Variants in CFAP221 observed in about 807,000 individuals in gnomAD.
The protein encoded by CFAP221 is cilia- and flagella-associated protein 221.
In CFAP221, 97 loss-of-function variants were observed where a neutral mutation model predicts 113.1. That is an observed-to-expected ratio of 0.86 (90% CI 0.73 to 1.02). CFAP221 has a LOEUF of 1.02. Among genes scored for constraint, CFAP221 ranks in the 50% least tolerant of loss-of-function variants. The pLI is 0.00. For missense variants in CFAP221, 1,025 were observed against 1,013.4 expected, an observed-to-expected ratio of 1.01 and a Z score of -0.16; for synonymous variants, 331 against 354.4, an observed-to-expected ratio of 0.93 and a Z score of 0.74.
intron 14 of CFAP221, among the ~76,000 whole-genome samples, chr2:119,624,842 G>A (rs1037833732): frequency 3.9e-5 from 6 of 152,238 alleles, no homozygotes; most frequent in African/African-American, 9.6e-5. Flanking sequence ...GACACAGGGA[G>A]GGGAACATCA....
chr2:119,605,022 G>A, intron 10 of CFAP221, 35 bp downstream of exon 10: 1 of 1,589,030 alleles, frequency 6.3e-7, no homozygotes, highest in Non-Finnish European at 8.6e-7. Context: ...CAGCCCCTGA[G>A]CAGAATATGA....
chr2:119,578,543 C>A (rs1682613160), intron 6 of CFAP221, among the ~76,000 whole-genome samples: 1 of 152,198 alleles, frequency 6.6e-6, no homozygotes, highest in African/African-American at 2.4e-5. Context: ...ATCACTGGGC[C>A]TATTAACTCC....
chr2:119,638,497 G>C, intron 20 of CFAP221, 80 bp downstream of exon 20: 1 of 1,540,874 alleles, frequency 6.5e-7, no homozygotes, highest in Non-Finnish European at 8.9e-7. Flanking sequence ...GGTCACAGCT[G>C]GAATTGCGAC....
At chr2:119,619,692 A>T (rs1453356217) in intron 14 of CFAP221, among the ~76,000 whole-genome samples, 2 of 152,352 alleles carry the variant, frequency 1.3e-5, no homozygotes, top group African/African-American at 4.8e-5. Context: ...CCTCCAAAGG[A>T]TCACAATTCC....
At position 119,611,966 on chromosome 2, in the gene CFAP221, C is replaced by T. The variant is rs72834853; in HGVS notation, c.1311+224C>T. Among the ~76,000 whole-genome samples the T allele has an allele frequency of 5.6e-3, 857 of 152,334 alleles. 11 individuals are homozygous for T. Among genetic ancestry groups the T allele is most frequent in the Admixed American group, 9.5e-3 (145 of 15,306 alleles). ...ACAGCACTACATACTTTGGCCACTC[C>T]TTTTCATCCCACTACTTTCTCATTT... On this transcript the variant is annotated intron_variant, in intron 13 of 23. Coordinates refer to ENST00000413369, the MANE Select transcript of CFAP221 (RefSeq NM_001271049.2).
At position 119,604,892 on chromosome 2, in the gene CFAP221, A is replaced by G. The variant is rs1684625752; in HGVS notation, c.929A>G (p.Asn310Ser). Residue 310 changes from asparagine (N) to serine (S), a missense_variant, in exon 10 of 24, where the codon AAC becomes AGC. By Grantham distance (46) the Asn-to-Ser change is conservative. Transcript: ENST00000413369. ...PQKVKEIEYQ[N>S]LRFPVDLSNP... ...GTCTCTTAGGAAATTGAGTACCAGA[A>G]CCTCAGATTTCCAGTAGATTTATCG... 2.5e-6 allele frequency: 4 copies of G among 1,614,114 alleles called. 1 individual carries two copies. The highest frequency in any genetic ancestry group is 8.5e-7 in the Non-Finnish European group (1 of 1,179,996).
At chr2:119,578,657 C>T (rs1682622011) in intron 6 of CFAP221, among the ~76,000 whole-genome samples, 1 of 152,152 alleles carries the variant, frequency 6.6e-6, no homozygotes, top group Non-Finnish European at 1.5e-5. Flanking sequence ...TGATGTTTCC[C>T]TCAAATTTCA....
At chr2:119,561,987 A>C (rs534834362) in intron 5 of CFAP221, 27 bp from the exon 6 acceptor site, 2 of 1,455,300 alleles carry the variant, frequency 1.4e-6, no homozygotes, top group South Asian at 2.5e-5. Context: ...CAGAATGTTA[A>C]ACTTGACTTT....
chr2:119,626,755 T>C (rs1686335827), intron 15 of CFAP221, among the ~76,000 whole-genome samples: 2 of 151,682 alleles, frequency 1.3e-5, no homozygotes, highest in African/African-American at 4.8e-5. Flanking sequence ...GCAACATACA[T>C]AGTGAGACCC....
At chr2:119,557,561 A>G (rs1680899096) in intron 3 of CFAP221, among the ~76,000 whole-genome samples, 1 of 152,180 alleles carries the variant, frequency 6.6e-6, no homozygotes, top group Non-Finnish European at 1.5e-5. Context: ...TGCCTGGATA[A>G]TATTTCTAGT....
intron 2 of CFAP221, 49 bp downstream of exon 2, chr2:119,546,319 C>T (rs978534124): frequency 4.6e-6 from 7 of 1,512,604 alleles, no homozygotes; most frequent in Non-Finnish European, 5.3e-6. Context: ...TCTTCCCAGG[C>T]GAGCCAAAGT....
chr2:119,632,701 C>CAAAAAAAA (rs34915791), intron 19 of CFAP221, among the ~76,000 whole-genome samples: 1 of 109,626 alleles, frequency 9.1e-6, no homozygotes, highest in Non-Finnish European at 1.9e-5. Flanking sequence ...TCTTTATTTA[C>CAAAAAAAA]AAAAAAAAAA....
chr2:119,612,904 C>T (rs1007809283), intron 13 of CFAP221, among the ~76,000 whole-genome samples: 1 of 152,342 alleles, frequency 6.6e-6, no homozygotes, highest in East Asian at 1.9e-4. Flanking sequence ...GGGCAAGTCC[C>T]TTCCACCTAT....
At position 119,611,669 on chromosome 2, in the gene CFAP221, C is replaced by G; in HGVS notation, c.1238C>G (p.Pro413Arg). Residue 413 changes from proline (P) to arginine (R), a missense_variant, in exon 13 of 24, where the codon CCT becomes CGT. By Grantham distance (103) the Pro-to-Arg change is moderately radical (BLOSUM62 -2). Transcript: ENST00000413369. The stretch of plus-strand genomic sequence containing the variant: ...AAAACCCAGCTAGACAGAGGAGATC[C>G]TATTTTGGATGAGGAATTTCAGCGA... Reference protein sequence around the residue: ...CAKYKLDRGDPILDEEFQRLK... With the variant: ...CAKYKLDRGDRILDEEFQRLK... 1 of 1,613,320 alleles carries G rather than the reference C, an allele frequency of 6.2e-7. No homozygotes were observed. Among genetic ancestry groups the G allele is most frequent in the Non-Finnish European group, 8.5e-7 (1 of 1,179,774 alleles).
At chr2:119,547,350 A>G (rs1229459572) in intron 2 of CFAP221, among the ~76,000 whole-genome samples, 2 of 152,166 alleles carry the variant, frequency 1.3e-5, no homozygotes, top group Non-Finnish European at 2.9e-5. Context: ...ATTTGAGGTC[A>G]GGAGTTTGAG....
At chr2:119,581,299 T>C (rs571396837) in intron 6 of CFAP221, among the ~76,000 whole-genome samples, 1 of 152,310 alleles carries the variant, frequency 6.6e-6, no homozygotes, top group African/African-American at 2.4e-5. Context: ...AATGAGATGA[T>C]TGAGGCAAAC....
At chr2:119,616,342 A>G (rs781641656) in intron 14 of CFAP221, among the ~76,000 whole-genome samples, 2 of 152,186 alleles carry the variant, frequency 1.3e-5, no homozygotes, top group Admixed American at 1.3e-4. Context: ...TTCTTTACCC[A>G]TTCATCAGTT....
At chr2:119,561,502 C>A (rs1681243436) in intron 5 of CFAP221, among the ~76,000 whole-genome samples, 1 of 152,046 alleles carries the variant, frequency 6.6e-6, no homozygotes, top group Non-Finnish European at 1.5e-5. Flanking sequence ...CTTAAAAATG[C>A]CTTTAAGGAA....
chr2:119,601,108 C>G, intron 7 of CFAP221, 110 bp from the exon 8 acceptor site: 1 of 1,112,270 alleles, frequency 9.0e-7, no homozygotes, highest in East Asian at 2.7e-5. Flanking sequence ...GAGTCAGTGC[C>G]CCTAATCTCC....
Sources: gnomAD v4.1 joint callset for allele counts (sites outside exome capture counted in the v4.1 genomes callset) on GRCh38, gnomAD v4.1.1 for gene constraint, MANE v1.5 for transcripts, NCBI Gene and HGNC (gene_info 2026-07-23, HGNC 2026-07-21) for gene names.